PMS1: variants seen among roughly 807,000 people sequenced by gnomAD.
The protein encoded by PMS1 is PMS1 homolog 1, mismatch repair system component, also known as PMS1 protein homolog 1.
PMS1 carries 79 observed loss-of-function variants against 93.1 expected under a neutral mutation model. That is an observed-to-expected ratio of 0.85 (90% CI 0.71 to 1.02). PMS1 has a LOEUF of 1.02. Among genes scored for constraint, PMS1 ranks in the 50% least tolerant of loss-of-function variants. The pLI is 0.00. For synonymous variants in PMS1, 335 were observed against 363.4 expected, an observed-to-expected ratio of 0.92 and a Z score of 0.89; for missense variants, 1,064 against 1,085.3, an observed-to-expected ratio of 0.98 and a Z score of 0.28.
intron 3 of PMS1, among the ~76,000 whole-genome samples, chr2:189,796,450 A>G (rs1463731527): frequency 6.6e-6 from 1 of 152,198 alleles, no homozygotes; most frequent in Non-Finnish European, 1.5e-5. Context: ...CTACAGTCAC[A>G]TTGTCGTGTA....
intron 5 of PMS1, among the ~76,000 whole-genome samples, chr2:189,828,471 T>C (rs543926799): frequency 1.5e-3 from 221 of 152,218 alleles, no homozygotes; most frequent in Non-Finnish European, 2.7e-3. Context: ...TAAAATCAAA[T>C]GCTTTAAACA....
rs1004340457 is a variant in PMS1 at position 189,877,509 on chromosome 2, A to G, written c.*73A>G. The G allele has an allele frequency of 5.0e-6, 5 of 1,004,356 alleles. No individual in the cohort carries two copies. Among genetic ancestry groups the G allele is most frequent in the Middle Eastern group, 2.6e-4 (1 of 3,776 alleles). The allele number at this position is 1,004,356 out of a possible 1,614,324, so 62.2% of individuals were successfully genotyped here. A position where few individuals can be genotyped will look rare whatever the true frequency, so the allele number is the denominator to read the frequency against. Reference sequence around the variant, plus strand: ...TAAAACAGCATGAGTCTGGTTTTAAATTATCTTTGTATTATGTGTCACATG... The same window carrying G: ...TAAAACAGCATGAGTCTGGTTTTAAGTTATCTTTGTATTATGTGTCACATG... On this transcript the variant is annotated 3_prime_UTR_variant, in exon 13 of 13. Transcript: ENST00000441310.
intron 9 of PMS1, 78 bp downstream of exon 9, chr2:189,855,206 T>G (rs2055183679): frequency 8.2e-7 from 1 of 1,224,682 alleles, no homozygotes; most frequent in African/African-American, 1.5e-5. Context: ...AAAAAGAATT[T>G]TTTTCACTTC....
chr2:189,857,570 C>G, intron 9 of PMS1: 1 of 404,688 alleles, frequency 2.5e-6, no homozygotes, highest in Non-Finnish European at 5.1e-6. Context: ...TTTCTTCCTT[C>G]TTCTTTTTTT....
At chr2:189,852,920 A>T (rs1339779919) in intron 7 of PMS1, 143 bp downstream of exon 7, 1 of 649,428 alleles carries the variant, frequency 1.5e-6, no homozygotes, top group East Asian at 2.7e-5. Context: ...AGAAAGACAT[A>T]TGATGTCTCT....
chr2:189,846,368 C>T (rs183043863), intron 6 of PMS1, among the ~76,000 whole-genome samples: 6 of 151,998 alleles, frequency 3.9e-5, no homozygotes, highest in African/African-American at 1.4e-4. Context: ...AGAAATTAGC[C>T]GGGTATGGTG....
At chr2:189,843,832 A>T (rs951834942) in intron 5 of PMS1, 132 bp from the exon 6 acceptor site, 11 of 766,332 alleles carry the variant, frequency 1.4e-5, no homozygotes, top group Non-Finnish European at 2.2e-5. Flanking sequence ...CTCATAGCTC[A>T]TGAATCTCTT....
chr2:189,847,696 T>A (rs542850715), intron 6 of PMS1, among the ~76,000 whole-genome samples: 1 of 152,196 alleles, frequency 6.6e-6, no homozygotes, highest in Non-Finnish European at 1.5e-5. Context: ...GGAAATCTAA[T>A]TGGGAACAGG....
At position 189,852,746 on chromosome 2, in the gene PMS1, G is replaced by C. The variant is rs2106450036; in HGVS notation, c.791G>C (p.Ser264Thr). The change falls in exon 7 of 13, where the codon AGT (serine) becomes ACT (threonine). Residue 264 changes from serine (S) to threonine (T), a missense_variant. By Grantham distance (58) the Ser-to-Thr change is moderately conservative (BLOSUM62 1). Coordinates refer to ENST00000441310, the MANE Select transcript of PMS1 (RefSeq NM_000534.5). Reference sequence around the variant, plus strand: ...GAAAGAAGTTTCATCTTCATAAACAGTCGACCAGTACATCAAAAAGATATC... The same window carrying C: ...GAAAGAAGTTTCATCTTCATAAACACTCGACCAGTACATCAAAAAGATATC... Reference protein sequence around the residue: ...TPERSFIFINSRPVHQKDILK... With the variant: ...TPERSFIFINTRPVHQKDILK... The C allele has an allele frequency of 6.3e-7, 1 of 1,591,716 alleles. No homozygotes were observed. Among genetic ancestry groups the C allele is most frequent in the South Asian group, 1.1e-5 (1 of 90,584 alleles).
At chr2:189,815,765 C>T (rs2051242745) in intron 4 of PMS1, among the ~76,000 whole-genome samples, 1 of 152,206 alleles carries the variant, frequency 6.6e-6, no homozygotes, top group Non-Finnish European at 1.5e-5. Context: ...TAGGCCTTCT[C>T]AGACTTACAT....
intron 8 of PMS1, 21 bp downstream of exon 8, chr2:189,854,103 T>G (rs1432776207): frequency 1.3e-6 from 2 of 1,536,424 alleles, no homozygotes; most frequent in Non-Finnish European, 1.8e-6. Context: ...TCAGATAATT[T>G]TTTCTTATGC....
chr2:189,830,986 A>G (rs1559270747), intron 5 of PMS1, among the ~76,000 whole-genome samples: 1 of 152,186 alleles, frequency 6.6e-6, no homozygotes, highest in Non-Finnish European at 1.5e-5. Context: ...CATTCAGTGG[A>G]GTAGGAACAA....
At chr2:189,864,687 AATATATATATATATATATAT>A (rs1220402323) in intron 10 of PMS1, among the ~76,000 whole-genome samples, 880 of 18,230 alleles carry the variant, frequency 0.048, 109 homozygotes, top group African/African-American at 0.13. Context: ...AAAAAAAAAA[AATATATATATATATATATAT>A]ATATATATAT....
At chr2:189,849,756 GC>G (rs1013133151) in intron 6 of PMS1, among the ~76,000 whole-genome samples, 12 of 151,952 alleles carry the variant, frequency 7.9e-5, no homozygotes, top group African/African-American at 2.7e-4. Flanking sequence ...GCTTTTACAG[GC>G]CCCTTTTCTT....
intron 1 of PMS1, among the ~76,000 whole-genome samples, chr2:189,785,712 G>T (rs1262765211): frequency 3.9e-5 from 3 of 77,158 alleles, no homozygotes; most frequent in Non-Finnish European, 7.7e-5. Flanking sequence ...AGGAAAGGAG[G>T]CTGCAGCAGG....
chr2:189,859,437 C>A (rs541304677), intron 9 of PMS1, among the ~76,000 whole-genome samples: 13 of 152,274 alleles, frequency 8.5e-5, no homozygotes, highest in African/African-American at 2.9e-4. Context: ...CTTTGCTGAA[C>A]AAATTACAGT....
chr2:189,831,542 A>G (rs1039655226), intron 5 of PMS1, among the ~76,000 whole-genome samples: 1 of 152,240 alleles, frequency 6.6e-6, no homozygotes, highest in Non-Finnish European at 1.5e-5. Flanking sequence ...TATTTAACTT[A>G]TATGCCTAAG....
At position 189,853,971 on chromosome 2, in the gene PMS1, A is replaced by G. The variant is rs2055055556; in HGVS notation, c.855A>G (p.Leu285=). ...LIRHHYNLKC[L]KESTRLYPVF... ...GACATCATTACAATCTGAAATGCCT[A>G]AAGGAATCTACTCGTTTGTATCCTG... is the stretch of plus-strand genomic sequence containing the variant. Residue 285 remains leucine (L), a synonymous_variant, in exon 8 of 13, where the codon CTA becomes CTG. Transcript: ENST00000441310. The G allele has an allele frequency of 3.1e-6, 5 of 1,600,872 alleles. No homozygotes were observed. The highest frequency in any genetic ancestry group is 1.3e-5 in the African/African-American group (1 of 74,738).
intron 5 of PMS1, among the ~76,000 whole-genome samples, chr2:189,837,229 G>A (rs1211301794): frequency 6.6e-6 from 1 of 151,212 alleles, no homozygotes; most frequent in Non-Finnish European, 1.5e-5. Flanking sequence ...TGCAGGGTGA[G>A]CCACTCCCAC....
Sources: gnomAD v4.1 joint callset for allele counts (sites outside exome capture counted in the v4.1 genomes callset) on GRCh38, gnomAD v4.1.1 for gene constraint, MANE v1.5 for transcripts, NCBI Gene and HGNC (gene_info 2026-07-23, HGNC 2026-07-21) for gene names.